The following RYR1 variants were observed in gnomAD, a reference collection of about 807,000 sequenced individuals.
The protein encoded by RYR1 is ryanodine receptor 1.
In RYR1, 342 loss-of-function variants were observed where a neutral mutation model predicts 583.5. That is an observed-to-expected ratio of 0.59 (90% CI 0.54 to 0.64). The LOEUF is 0.64. RYR1 is among the 30% of genes least tolerant of loss of function. The pLI is 0.00. For synonymous variants in RYR1, 2,791 were observed against 2,822.5 expected (o/e 0.99, Z 0.35); for missense variants, 6,032 against 6,917.2 (o/e 0.87, Z 4.54).
intron 1 of RYR1, among the ~76,000 whole-genome samples, chr19:38,440,019 T>G (rs1308537876): frequency 6.6e-6 from 1 of 152,222 alleles, no homozygotes; most frequent in African/African-American, 2.4e-5. Context: ...CAGACCCCAC[T>G]TGGGAGGCCT....
chr19:38,482,847 T>C (rs113612329), intron 31 of RYR1, among the ~76,000 whole-genome samples, 180 bp from the exon 32 acceptor site: 1 of 151,902 alleles, frequency 6.6e-6, no homozygotes, highest in East Asian at 1.9e-4. Context: ...TCTGGGAAAG[T>C]TGGAGGAGGT....
chr19:38,560,283 AC>A (rs1247460653), intron 89 of RYR1, among the ~76,000 whole-genome samples: 1 of 151,742 alleles, frequency 6.6e-6, no homozygotes, highest in East Asian at 1.9e-4. Flanking sequence ...GACTCATTTG[AC>A]CCTGGGAGGT....
chr19:38,566,765 C>A lies in RYR1; in HGVS notation c.13438-146C>A, dbSNP rs1973456986. 1.2e-5 allele frequency: 18 copies of A among 1,465,126 alleles called. No individual in the cohort carries two copies. The South Asian group carries it at 2.0e-4, about 16-fold the overall frequency. The allele number at this position is 1,465,126 out of a possible 1,614,324, so 90.8% of individuals were successfully genotyped here. ...AGTTTCCCCTCTGTAAAACGGGAAT[C>A]ATAATCTGCCTCTTTCTGGTGGAGG... On this transcript the variant is annotated intron_variant, in intron 91 of 105. Transcript: ENST00000359596.
At chr19:38,505,608 T>A (rs1344957165) in intron 53 of RYR1, among the ~76,000 whole-genome samples, 198 bp from the exon 54 acceptor site, 1 of 152,148 alleles carries the variant, frequency 6.6e-6, no homozygotes, top group Non-Finnish European at 1.5e-5. Flanking sequence ...GTAGTAAGAC[T>A]TCTCGGAGAC....
chr19:38,559,272 T>C (rs975081090), intron 89 of RYR1, among the ~76,000 whole-genome samples: 2 of 148,808 alleles, frequency 1.3e-5, no homozygotes, highest in South Asian at 2.2e-4. Context: ...CTCGCTCTTA[T>C]TGCCCAGGCT....
At chr19:38,578,252 G>A (rs757984566) in intron 99 of RYR1, 48 bp downstream of exon 99, 22 of 1,590,940 alleles carry the variant, frequency 1.4e-5, no homozygotes, top group East Asian at 1.4e-4. Flanking sequence ...GGGGTGGGGC[G>A]TTAGGAGGGT....
chr19:38,440,328 C>T (rs895105660), intron 1 of RYR1, among the ~76,000 whole-genome samples: 1 of 152,102 alleles, frequency 6.6e-6, no homozygotes, highest in African/African-American at 2.4e-5. Context: ...TACTTGAGGT[C>T]AGGAGTTCGA....
chr19:38,457,002 C>T (rs147317642), intron 16 of RYR1, among the ~76,000 whole-genome samples: 3,104 of 125,114 alleles, frequency 0.025, 123 homozygotes, highest in African/African-American at 0.086. Flanking sequence ...GCTGAGATTG[C>T]GCCACTGCAC....
intron 72 of RYR1, 144 bp downstream of exon 72, chr19:38,527,196 G>C (rs990423191): frequency 2.3e-6 from 2 of 883,284 alleles, no homozygotes; most frequent in Non-Finnish European, 3.6e-6. Flanking sequence ...CCAATGTGGC[G>C]AAACCATGTT....
At chr19:38,466,062 T>G in intron 23 of RYR1, 29 bp from the exon 24 acceptor site, 1 of 1,588,896 alleles carries the variant, frequency 6.3e-7, no homozygotes, top group South Asian at 1.1e-5. Context: ...GTGAGGGCCT[T>G]GTCCCATGGA....
intron 39 of RYR1, among the ~76,000 whole-genome samples, chr19:38,495,828 T>C (rs1251419904): frequency 6.6e-6 from 1 of 152,068 alleles, no homozygotes; most frequent in Non-Finnish European, 1.5e-5. Context: ...GAGTGCGCAA[T>C]GTCTGCTCAC....
chr19:38,561,610 C>G lies in RYR1; in HGVS notation c.12624+156C>G, dbSNP rs1440011702. On this transcript the variant is annotated intron_variant, in intron 90 of 105. Coordinates refer to ENST00000359596, the MANE Select transcript of RYR1 (RefSeq NM_000540.3). This position sits in a 1 kb window ranked among gnomAD's most constrained non-coding sequence, Gnocchi z 4.8. ...GCCCACCCTTTTGTACACATTTCGT[C>G]CAGCTGCGCCCTTGCACATCCCTGG... 1.3e-5 allele frequency among the ~76,000 whole-genome samples: 2 copies of G among 152,234 alleles called. No individual in the cohort carries two copies. The highest frequency in any genetic ancestry group is 2.4e-5 in the African/African-American group (1 of 41,460).
intron 68 of RYR1, 28 bp from the exon 69 acceptor site, chr19:38,523,189 C>G (rs370407907): frequency 6.2e-7 from 1 of 1,614,212 alleles, no homozygotes; most frequent in East Asian, 2.2e-5. Context: ...TTCACCTGTC[C>G]GGTCTGCAAC....
In RYR1 at chr19:38,550,131, A is replaced by G. The variant is rs940640554; in HGVS notation, c.12282+1711A>G. ...TCATTCTCCTACCTAAGCACAGGAC[A>G]ATTATGCTAATCAGGAAATTAACAT... On this transcript the variant is annotated intron_variant, in intron 89 of 105. Coordinates refer to ENST00000359596, the MANE Select transcript of RYR1 (RefSeq NM_000540.3). Among the ~76,000 whole-genome samples, 3 of 152,078 alleles carry G rather than the reference A, an allele frequency of 2.0e-5. No individual in the cohort carries two copies. The East Asian group carries it at 5.8e-4, about 29-fold the overall frequency.
chr19:38,526,098 G>A (rs1244779867), intron 71 of RYR1, among the ~76,000 whole-genome samples: 2 of 151,872 alleles, frequency 1.3e-5, no homozygotes, highest in African/African-American at 4.8e-5. Flanking sequence ...AACTCCCCAG[G>A]ATCCATGAAC....
In RYR1 at chr19:38,565,749, C is replaced by G. The variant is rs1973389353; in HGVS notation, c.13415C>G (p.Pro4472Arg). ...GAACCGCCCACACCCGAGGGCTCTC[C>G]CATCCTCAAGAGGAAATTGGGGGTG... ...PAEPPTPEGS[P>R]ILKRKLGVDG... The change falls in exon 91 of 106, where the codon CCC becomes CGC. Residue 4472 changes from proline to arginine, a missense_variant. Around this residue, in one of 11 missense-constraint regions of RYR1, gnomAD observed 753 missense variants for 759.6 expected, o/e 0.99. Coordinates refer to ENST00000359596, the MANE Select transcript of RYR1 (RefSeq NM_000540.3). The surrounding 1 kb of genome is among the most constrained non-coding windows in gnomAD (Gnocchi z 4.7). 8.5e-6 allele frequency: 12 copies of G among 1,419,548 alleles called. No homozygotes were observed. Among genetic ancestry groups the G allele is most frequent in the Non-Finnish European group, 1.1e-5 (12 of 1,094,712 alleles). 87.9% of individuals were successfully genotyped at this position (1,419,548 alleles called of 1,614,324 possible).
rs377583365 is a variant in RYR1 at position 38,502,867 on chromosome 19, C to T, written c.7836-13C>T. The T allele has an allele frequency of 5.0e-6, 8 of 1,608,682 alleles. No homozygotes were observed. Among genetic ancestry groups the T allele is most frequent in the East Asian group, 2.2e-5 (1 of 44,818 alleles). ...TGGACGGGGGATTCTACATCTTGTG[C>T]ATTGTCCCGCAGGTACATCCGCCCG... On this transcript the variant is annotated splice_polypyrimidine_tract_variant and intron_variant, in intron 48 of 105. Coordinates refer to ENST00000359596, the MANE Select transcript of RYR1 (RefSeq NM_000540.3).
intron 78 of RYR1, among the ~76,000 whole-genome samples, chr19:38,533,872 T>C (rs1345888979): frequency 2.0e-5 from 3 of 152,108 alleles, no homozygotes; most frequent in Non-Finnish European, 4.4e-5. Context: ...TAAAGACATC[T>C]TTGAGCCATT....
intron 29 of RYR1, among the ~76,000 whole-genome samples, chr19:38,477,087 GA>G (rs1041909544): frequency 2.0e-5 from 3 of 150,710 alleles, no homozygotes; most frequent in Non-Finnish European, 3.0e-5. Flanking sequence ...AAGAAGGAAA[GA>G]AAAAAAAGAC....
Sources: gnomAD v4.1 joint callset for allele counts (sites outside exome capture counted in the v4.1 genomes callset) on GRCh38, gnomAD v4.1.1 for gene constraint, gnomAD v4.1.1 regional missense constraint, Gnocchi (gnomAD v3.1) non-coding constraint, MANE v1.5 for transcripts, NCBI Gene and HGNC (gene_info 2026-07-23, HGNC 2026-07-21) for gene names.